The following RPS6KA5 variants were observed in gnomAD, a reference collection of about 807,000 sequenced individuals.
RPS6KA5 encodes the protein ribosomal protein S6 kinase alpha-5.
RPS6KA5 carries 27 observed loss-of-function variants against 85.5 expected under a neutral mutation model. That is an observed-to-expected ratio of 0.32 (90% CI 0.23 to 0.44). The LOEUF is 0.44. RPS6KA5 is among the 20% of genes least tolerant of loss of function. The pLI is 1.00. For missense variants in RPS6KA5, 811 were observed against 980.9 expected, an observed-to-expected ratio of 0.83 and a Z score of 2.31; for synonymous variants, 334 against 348.2, an observed-to-expected ratio of 0.96 and a Z score of 0.46.
chr14:90,922,204 T>G (rs2140295274), intron 6 of RPS6KA5, among the ~76,000 whole-genome samples: 1 of 152,352 alleles, frequency 6.6e-6, no homozygotes, highest in South Asian at 2.1e-4. Flanking sequence ...AAAATATCAG[T>G]GATTCCCTTT....
chr14:91,028,740 G>T (rs953582706), intron 1 of RPS6KA5, among the ~76,000 whole-genome samples: 1 of 149,118 alleles, frequency 6.7e-6, no homozygotes, highest in Admixed American at 6.7e-5. Context: ...GGATGGTCTC[G>T]ATCTCCTGAC....
rs1016406514 is a variant in RPS6KA5, at chr14:90,849,190, T to G, written c.*22884A>C. 4 of 152,160 alleles carry G rather than the reference T, an allele frequency of 2.6e-5. No individual in the cohort carries two copies. Among genetic ancestry groups the G allele is most frequent in the African/African-American group, 9.7e-5 (4 of 41,428 alleles). 9.4% of individuals were successfully genotyped at this position (152,160 alleles called of 1,614,324 possible). The stretch of plus-strand genomic sequence containing the variant: ...TCTAATAGATGCCACTCTCAAATTC[T>G]GAGGAGGATGAATTAGCTACTGCTT... On this transcript the variant is annotated 3_prime_UTR_variant, in exon 17 of 17. Transcript: ENST00000614987.
chr14:91,037,045 T>A (rs2042436063), intron 1 of RPS6KA5, among the ~76,000 whole-genome samples: 1 of 152,140 alleles, frequency 6.6e-6, no homozygotes, highest in Admixed American at 6.5e-5. Context: ...ACAGCTTGAA[T>A]CCCCTCCTGC....
intron 10 of RPS6KA5, 110 bp downstream of exon 10, chr14:90,900,501 T>C: frequency 8.7e-7 from 1 of 1,153,406 alleles, no homozygotes; most frequent in Non-Finnish European, 1.2e-6. Flanking sequence ...ATCCCACTTT[T>C]AAAATTGCAC....
intron 8 of RPS6KA5, 40 bp downstream of exon 8, chr14:90,906,109 G>A (rs759316423): frequency 4.6e-6 from 7 of 1,525,354 alleles, no homozygotes; most frequent in Middle Eastern, 1.8e-4. Flanking sequence ...CCTGAAAACG[G>A]CAAGGAGTAT....
At chr14:90,957,083 G>A (rs997678625) in intron 3 of RPS6KA5, among the ~76,000 whole-genome samples, 2 of 137,336 alleles carry the variant, frequency 1.5e-5, no homozygotes, top group Non-Finnish European at 3.1e-5. Flanking sequence ...TTGTTTTTTT[G>A]AGACAGAGTC....
chr14:90,949,731 T>C (rs1223428743), intron 3 of RPS6KA5, among the ~76,000 whole-genome samples: 1 of 137,488 alleles, frequency 7.3e-6, no homozygotes, highest in East Asian at 2.2e-4. Flanking sequence ...AAATTAAGTC[T>C]CTCTGAGCTT....
intron 1 of RPS6KA5, among the ~76,000 whole-genome samples, chr14:91,005,098 CT>C (rs2140608431): frequency 6.6e-6 from 1 of 152,286 alleles, no homozygotes; most frequent in South Asian, 2.1e-4. Context: ...AACTAATAAT[CT>C]AATTCCAGTC....
intron 8 of RPS6KA5, among the ~76,000 whole-genome samples, chr14:90,905,724 A>C (rs1255374881): frequency 1.3e-5 from 2 of 152,224 alleles, no homozygotes; most frequent in South Asian, 4.1e-4. Context: ...GGAAAAGAGG[A>C]AGTGAAGAAA....
intron 5 of RPS6KA5, among the ~76,000 whole-genome samples, chr14:90,926,664 A>AAT (rs142519782): frequency 7.0e-6 from 1 of 143,226 alleles, no homozygotes; most frequent in Non-Finnish European, 1.5e-5. Flanking sequence ...TATATATTTA[A>AAT]GTGTGTGTGT....
At chr14:91,040,333 G>A (rs546890802) in intron 1 of RPS6KA5, among the ~76,000 whole-genome samples, 15 of 152,318 alleles carry the variant, frequency 9.8e-5, no homozygotes, top group African/African-American at 2.9e-4. Flanking sequence ...GCTTGAACCC[G>A]AGAGGTGGAG....
intron 1 of RPS6KA5, among the ~76,000 whole-genome samples, chr14:91,056,462 T>G (rs765312293): frequency 2.0e-5 from 3 of 152,176 alleles, no homozygotes; most frequent in Non-Finnish European, 2.9e-5. Context: ...CTGTAGGATG[T>G]AAAACTTGCA....
At chr14:90,956,523 C>T (rs952192128) in intron 3 of RPS6KA5, among the ~76,000 whole-genome samples, 4 of 152,102 alleles carry the variant, frequency 2.6e-5, no homozygotes, top group African/African-American at 4.8e-5. Flanking sequence ...TTGTTATTAA[C>T]ATAATATCTG....
intron 7 of RPS6KA5, among the ~76,000 whole-genome samples, chr14:90,913,220 G>T (rs975262012): frequency 6.6e-6 from 1 of 151,920 alleles, no homozygotes; most frequent in Non-Finnish European, 1.5e-5. Flanking sequence ...GCCACATGAA[G>T]CATCTTATTT....
At chr14:90,932,821 T>C (rs1170842840) in intron 5 of RPS6KA5, among the ~76,000 whole-genome samples, 1 of 152,194 alleles carries the variant, frequency 6.6e-6, no homozygotes, top group Non-Finnish European at 1.5e-5. Flanking sequence ...TGCTGTATTA[T>C]TATAGGAGAT....
At chr14:90,995,415 T>C (rs568820100) in intron 2 of RPS6KA5, among the ~76,000 whole-genome samples, 29 of 152,340 alleles carry the variant, frequency 1.9e-4, no homozygotes, top group African/African-American at 6.0e-4. Flanking sequence ...CCGAAGCCAA[T>C]GCTAAGCCAG....
chr14:90,924,513 G>A, intron 5 of RPS6KA5, among the ~76,000 whole-genome samples: 1 of 152,116 alleles, frequency 6.6e-6, no homozygotes, highest in East Asian at 1.9e-4. Context: ...GTTCTACTAT[G>A]CTTATGGTTT....
At chr14:91,000,209 C>T (rs1326625102) in intron 2 of RPS6KA5, among the ~76,000 whole-genome samples, 1 of 152,164 alleles carries the variant, frequency 6.6e-6, no homozygotes, top group Non-Finnish European at 1.5e-5. Flanking sequence ...GTATATTGTA[C>T]ATTCTCTTCT....
At position 90,851,656 on chromosome 14, in the gene RPS6KA5, C is replaced by T. The variant is rs2032001849; in HGVS notation, c.*20418G>A. The T allele has an allele frequency of 6.6e-6, 1 of 152,190 alleles. No homozygotes were observed. Among genetic ancestry groups the T allele is most frequent in the African/African-American group, 2.4e-5 (1 of 41,448 alleles). 9.4% of individuals were successfully genotyped at this position (152,190 alleles called of 1,614,324 possible). On this transcript the variant is annotated 3_prime_UTR_variant, in exon 17 of 17. Transcript: ENST00000614987. ...AGTGTCATATCTAGTACATTTTACT[C>T]TTCACTTAAAACCAAGGGTTCAGGG...
Sources: gnomAD v4.1 joint callset for allele counts (sites outside exome capture counted in the v4.1 genomes callset) on GRCh38, gnomAD v4.1.1 for gene constraint, MANE v1.5 for transcripts, NCBI Gene and HGNC (gene_info 2026-07-23, HGNC 2026-07-21) for gene names.